The following ARFGEF1 variants were observed in gnomAD, a reference collection of about 807,000 sequenced individuals.
ARFGEF1 encodes ARF guanine nucleotide exchange factor 1.
Under a neutral mutation model 231.0 loss-of-function variants are expected in ARFGEF1, and 42 were observed. The ratio of observed to expected loss-of-function variants is 0.18; its 90% CI spans 0.14 to 0.24. ARFGEF1 has a LOEUF of 0.24. Among genes scored for constraint, ARFGEF1 ranks in the 10% least tolerant of loss-of-function variants. The pLI is 1.00. For synonymous variants in ARFGEF1, 710 were observed against 732.3 expected (o/e 0.97, Z 0.49); for missense variants, 1,345 against 2,192.0 (o/e 0.61, Z 7.72).
intron 18 of ARFGEF1, 88 bp from the exon 19 acceptor site, chr8:67,251,538 C>T: frequency 8.0e-7 from 1 of 1,255,082 alleles, no homozygotes; most frequent in Non-Finnish European, 1.1e-6. Flanking sequence ...TAAACACCAC[C>T]AGTAATTAAA....
At chr8:67,236,016 C>T (rs760498949) in intron 22 of ARFGEF1, among the ~76,000 whole-genome samples, 5 of 151,664 alleles carry the variant, frequency 3.3e-5, no homozygotes, top group South Asian at 2.1e-4. Context: ...AGGATATGGG[C>T]GGGCGCAGTA....
At chr8:67,308,894 CTTT>C (rs1396266742) in intron 1 of ARFGEF1, among the ~76,000 whole-genome samples, 2 of 151,998 alleles carry the variant, frequency 1.3e-5, no homozygotes, top group Non-Finnish European at 2.9e-5. Flanking sequence ...AACTCACATA[CTTT>C]TTTAATTGTA....
chr8:67,203,350 C>A, intron 35 of ARFGEF1, 99 bp from the exon 36 acceptor site: 1 of 1,335,348 alleles, frequency 7.5e-7, no homozygotes, highest in South Asian at 1.4e-5. Context: ...ACAAGAAAGC[C>A]ACAGATACTC....
intron 23 of ARFGEF1, among the ~76,000 whole-genome samples, chr8:67,230,572 G>A (rs1839521554): frequency 6.6e-6 from 1 of 151,872 alleles, no homozygotes; most frequent in Non-Finnish European, 1.5e-5. Flanking sequence ...AAGGAAGTTG[G>A]GATAAGCTGT....
Position 67,198,978 on chromosome 8 carries a change from T to C in ARFGEF1, c.5506A>G (p.Ile1836Val). 2.5e-6 allele frequency: 4 copies of C among 1,613,104 alleles called. No homozygotes were observed. The highest frequency in any genetic ancestry group is 1.3e-5 in the African/African-American group (1 of 74,954). The change falls in exon 39 of 39, where the codon ATA becomes GTA. Residue 1836 changes from isoleucine to valine, a missense_variant. Coordinates refer to ENST00000262215, the MANE Select transcript of ARFGEF1 (RefSeq NM_006421.5). ...AGTTCCTGTTCAGGTGGTTGTGATA[T>C]CTGAAAAACTACTCCGATTCGCAGA... ...FFLRIGVVFQ[I>V]SQPPEQELGI...
At chr8:67,213,111 G>A (rs1241116751) in intron 33 of ARFGEF1, among the ~76,000 whole-genome samples, 1 of 152,128 alleles carries the variant, frequency 6.6e-6, no homozygotes, top group Admixed American at 6.5e-5. Flanking sequence ...GAGCAACACG[G>A]GCCCAGCATA....
chr8:67,269,025 G>C (rs1318360097), intron 10 of ARFGEF1, among the ~76,000 whole-genome samples: 1 of 152,154 alleles, frequency 6.6e-6, no homozygotes, highest in African/African-American at 2.4e-5. Flanking sequence ...ATAAGCAAAA[G>C]TCTATTGCTG....
intron 5 of ARFGEF1, among the ~76,000 whole-genome samples, chr8:67,192,200 A>G (rs1253735818): frequency 6.6e-6 from 1 of 150,582 alleles, no homozygotes; most frequent in Non-Finnish European, 1.5e-5. Context: ...TCAGCCTCCC[A>G]AGTAGCTGGG....
intron 7 of ARFGEF1, among the ~76,000 whole-genome samples, chr8:67,282,885 T>C (rs541955965): frequency 6.1e-5 from 9 of 147,858 alleles, no homozygotes; most frequent in East Asian, 3.9e-4. Flanking sequence ...GAAAATAATA[T>C]AAGCAAAGGT....
intron 5 of ARFGEF1, among the ~76,000 whole-genome samples, chr8:67,182,787 A>G (rs1376110759): frequency 6.6e-6 from 1 of 152,230 alleles, no homozygotes; most frequent in East Asian, 1.9e-4. Flanking sequence ...TCATTTTTGA[A>G]GAAATACCTA....
intron 14 of ARFGEF1, among the ~76,000 whole-genome samples, chr8:67,261,966 C>T (rs557498467): frequency 1.5e-4 from 22 of 151,468 alleles, no homozygotes; most frequent in African/African-American, 5.1e-4. Context: ...ACTTTCAAGT[C>T]GTAAAAGCTG....
intron 19 of ARFGEF1, among the ~76,000 whole-genome samples, chr8:67,247,471 T>G (rs958388491): frequency 4.0e-5 from 6 of 150,472 alleles, no homozygotes; most frequent in African/African-American, 1.5e-4. Flanking sequence ...ACCATATCAA[T>G]AGAATGAAAG....
At chr8:67,210,410 T>C (rs1838691268) in intron 34 of ARFGEF1, among the ~76,000 whole-genome samples, 1 of 148,656 alleles carries the variant, frequency 6.7e-6, no homozygotes, top group African/African-American at 2.5e-5. Context: ...AGCCTGGAGG[T>C]TGAGGCTGCA....
At chr8:67,269,611 A>G (rs999776664) in intron 10 of ARFGEF1, among the ~76,000 whole-genome samples, 3 of 152,044 alleles carry the variant, frequency 2.0e-5, no homozygotes, top group Admixed American at 1.3e-4. Context: ...TCGGCCTCCC[A>G]AAGTGCTGGG....
At chr8:67,286,939 C>CT (rs1478421005) in intron 7 of ARFGEF1, among the ~76,000 whole-genome samples, 2 of 152,112 alleles carry the variant, frequency 1.3e-5, no homozygotes, top group African/African-American at 4.8e-5. Flanking sequence ...AAATAAGTGC[C>CT]TTTTTTCCCA....
At chr8:67,325,482 C>G (rs1807793942) in intron 1 of ARFGEF1, among the ~76,000 whole-genome samples, 1 of 152,118 alleles carries the variant, frequency 6.6e-6, no homozygotes. Context: ...ATAAAGGAGC[C>G]TCTATCAGGC....
chr8:67,304,349 C>G (rs1237204953), intron 1 of ARFGEF1, among the ~76,000 whole-genome samples: 2 of 152,202 alleles, frequency 1.3e-5, no homozygotes, highest in African/African-American at 2.4e-5. Context: ...TTTCTGTGAA[C>G]CAAACCCCTT....
chr8:67,191,264 C>G (rs1274253142), intron 5 of ARFGEF1, among the ~76,000 whole-genome samples: 1 of 152,198 alleles, frequency 6.6e-6, no homozygotes, highest in Non-Finnish European at 1.5e-5. Context: ...ATGTCACCTC[C>G]TTGTTGAGTA....
rs150149245 is a variant in ARFGEF1, at chr8:67,188,830, C to G, written c.560+11566G>C. 5.7e-3 allele frequency among the ~76,000 whole-genome samples: 874 copies of G among 152,282 alleles called. 9 individuals carry two copies. Among genetic ancestry groups the G allele is most frequent in the African/African-American group, 0.02 (835 of 41,544 alleles). Reference sequence around the variant, plus strand: ...GCTAAGTGCCCGGGTTTGTCCTAATCGAGCTGAACACTAGTCACTGGGTTC... The same window carrying G: ...GCTAAGTGCCCGGGTTTGTCCTAATGGAGCTGAACACTAGTCACTGGGTTC... On this transcript the variant is annotated intron_variant, in intron 5 of 5. Coordinates refer to the ARFGEF1 transcript ENST00000518789.
Sources: gnomAD v4.1 joint callset for allele counts (sites outside exome capture counted in the v4.1 genomes callset) on GRCh38, gnomAD v4.1.1 for gene constraint, MANE v1.5 for transcripts, NCBI Gene and HGNC (gene_info 2026-07-23, HGNC 2026-07-21) for gene names.